The following CAMSAP1 variants were observed in gnomAD, a reference collection of about 807,000 sequenced individuals.
The protein encoded by CAMSAP1 is calmodulin regulated spectrin associated protein 1.
In CAMSAP1, 58 loss-of-function variants were observed where a neutral mutation model predicts 143.5. The ratio of observed to expected loss-of-function variants is 0.40; its 90% CI spans 0.33 to 0.50. The LOEUF (loss-of-function observed/expected upper bound fraction) is 0.50. Ranked by LOEUF, CAMSAP1 falls within the 20% of genes least tolerant of loss-of-function variation. The pLI, the probability that CAMSAP1 is intolerant of heterozygous loss-of-function variation, is 0.45. For synonymous variants in CAMSAP1, 945 were observed against 859.3 expected, an observed-to-expected ratio of 1.10 and a Z score of -1.74; for missense variants, 1,969 against 2,115.7, an observed-to-expected ratio of 0.93 and a Z score of 1.36.
chr9:135,861,740 T>G (rs1477414250), intron 5 of CAMSAP1, among the ~76,000 whole-genome samples: 1 of 152,192 alleles, frequency 6.6e-6, no homozygotes, highest in Non-Finnish European at 1.5e-5. Flanking sequence ...ACACAAATGT[T>G]TCCATATTAG....
chr9:135,821,689 A>C lies in CAMSAP1; in HGVS notation c.2972T>G (p.Val991Gly). The C allele has an allele frequency of 2.5e-6, 4 of 1,614,024 alleles. No homozygotes were observed. The Middle Eastern group carries it at 4.9e-4, about 200-fold the overall frequency. ...FAQQHKAKDP[V>G]ALHELERNKV... ...ATTTCTCTCCAGCTCGTGCAGAGCC[A>C]CAGGGTCTTTTGCTTTATGTTGCTG... Residue 991 changes from valine (V) to glycine (G), a missense_variant, in exon 11 of 17, where the codon GTG becomes GGG. By Grantham distance (109) the Val-to-Gly change is moderately radical. This residue lies in a region of CAMSAP1 where 1,390 missense variants were observed against 1,420.8 expected (regional missense o/e 0.98). Coordinates refer to ENST00000389532, the MANE Select transcript of CAMSAP1 (RefSeq NM_015447.4). This position sits in a 1 kb window ranked among gnomAD's most constrained non-coding sequence, Gnocchi z 4.6.
chr9:135,824,725 A>C lies in CAMSAP1; in HGVS notation c.1315+64T>G. On this transcript the variant is annotated intron_variant, in intron 9 of 16. Transcript: ENST00000389532. This position sits in a 1 kb window ranked among gnomAD's most constrained non-coding sequence, Gnocchi z 4.1. ...AGATAAAATGATTTAATTTTGAGAA[A>C]TATGATTTTACTAATCTATAGTAAG... The C allele has an allele frequency of 8.7e-7, 1 of 1,149,954 alleles. No individual in the cohort carries two copies. Among genetic ancestry groups the C allele is most frequent in the South Asian group, 1.5e-5 (1 of 65,308 alleles). The allele number at this position is 1,149,954 out of a possible 1,614,324, so 71.2% of individuals were successfully genotyped here. A position where few individuals can be genotyped will look rare whatever the true frequency, so the allele number is the denominator to read the frequency against.
chr9:135,819,253 G>T, intron 11 of CAMSAP1, 107 bp from the exon 12 acceptor site: 1 of 1,356,174 alleles, frequency 7.4e-7, no homozygotes. Context: ...AAAGTTTAAC[G>T]CATAAAGACT....
rs141799161 is a variant in CAMSAP1, at chr9:135,811,384, G to A, written c.4734C>T (p.Asp1578=). ...ACAGGTGGTTGTGGATTGTGAGTGC[G>A]TCCACACTGACAGACATGGTTTTGG... ...IPAKTMSVSV[D]ALTIHNHLWQ... is the part of the protein sequence containing the mutation. Residue 1578 remains aspartate, a synonymous_variant, in exon 17 of 17, where the codon GAC becomes GAT. Transcript: ENST00000389532. This position sits in a 1 kb window ranked among gnomAD's most constrained non-coding sequence, Gnocchi z 4.9. 6.5e-4 allele frequency: 1,048 copies of A among 1,612,702 alleles called. 1 individual carries two copies. Among genetic ancestry groups the A allele is most frequent in the African/African-American group, 1.2e-3 (88 of 75,006 alleles).
chr9:135,842,628 C>T (rs1822332973), intron 7 of CAMSAP1, among the ~76,000 whole-genome samples: 1 of 152,234 alleles, frequency 6.6e-6, no homozygotes, highest in Admixed American at 6.5e-5. Flanking sequence ...GCCCATCAAA[C>T]TAACAGCAGA....
Position 135,811,560 on chromosome 9 carries a change from C to T in CAMSAP1, c.4558G>A (p.Gly1520Ser), listed in dbSNP as rs768775467. ...NHYIILFRDAGCQFRALYCYY... is the reference protein window; with the variant it reads ...NHYIILFRDASCQFRALYCYY... ...CAGTAAAGCGCCCTGAACTGGCAGC[C>T]AGCATCACGAAACAGTATGATGTAG... Residue 1520 changes from glycine (G) to serine (S), a missense_variant, in exon 17 of 17, where the codon GGC becomes AGC. Coordinates refer to ENST00000389532, the MANE Select transcript of CAMSAP1 (RefSeq NM_015447.4). This position sits in a 1 kb window ranked among gnomAD's most constrained non-coding sequence, Gnocchi z 4.9. 5 of 1,602,200 alleles carry T rather than the reference C, an allele frequency of 3.1e-6. No homozygotes were observed. The highest frequency in any genetic ancestry group is 4.3e-6 in the Non-Finnish European group (5 of 1,174,150).
intron 7 of CAMSAP1, among the ~76,000 whole-genome samples, chr9:135,844,560 C>T (rs145089631): frequency 1.0e-3 from 157 of 151,278 alleles, no homozygotes; most frequent in Non-Finnish European, 2.0e-3. Context: ...GCAAGAGCAA[C>T]GAAATTCAAA....
rs374207546 is a variant in CAMSAP1, at chr9:135,850,138, G to A, written c.1044C>T (p.Asp348=). The part of the protein sequence containing the change: ...VQPRDVQELK[D]AKTVLHQKSS... ...ACCTGGGGAATATCTGTCACTCACC[G>A]TCTTTCAGCTCCTGAACATCCCTGG... is the stretch of plus-strand genomic sequence containing the variant. Residue 348 remains aspartate (D), a splice_region_variant and synonymous_variant, in exon 7 of 17, where the codon GAC becomes GAT. Transcript: ENST00000389532. The A allele has an allele frequency of 7.0e-5, 112 of 1,605,446 alleles. No individual in the cohort carries two copies. Among genetic ancestry groups the A allele is most frequent in the Admixed American group, 8.5e-5 (5 of 58,764 alleles).
At position 135,837,193 on chromosome 9, in the gene CAMSAP1, C is replaced by T. The variant is rs563378437; in HGVS notation, c.1046-9609G>A. On this transcript the variant is annotated intron_variant, in intron 7 of 16. Coordinates refer to ENST00000389532, the MANE Select transcript of CAMSAP1 (RefSeq NM_015447.4). ...GATACACATCATCACGCACTTTCTA[C>T]CCATTCCAGAGACACACGTCACCAC... Among the ~76,000 whole-genome samples, 368 of 151,778 alleles carry T rather than the reference C, an allele frequency of 2.4e-3. 2 individuals carry two copies. Among genetic ancestry groups the T allele is most frequent in the Middle Eastern group, 0.021 (6 of 286 alleles).
At chr9:135,827,789 A>G (rs1204950123) in intron 7 of CAMSAP1, among the ~76,000 whole-genome samples, 1 of 152,264 alleles carries the variant, frequency 6.6e-6, no homozygotes, top group Non-Finnish European at 1.5e-5. Context: ...ACATTAAAAG[A>G]CACAACACAG....
At chr9:135,886,511 A>G (rs1838127941) in intron 1 of CAMSAP1, among the ~76,000 whole-genome samples, 1 of 152,220 alleles carries the variant, frequency 6.6e-6, no homozygotes, top group South Asian at 2.1e-4. Context: ...AGCAGTTCAG[A>G]ATTGCGCGGA....
chr9:135,887,437 C>A (rs2130997341), intron 1 of CAMSAP1, among the ~76,000 whole-genome samples: 2 of 152,296 alleles, frequency 1.3e-5, no homozygotes, highest in East Asian at 3.9e-4. Context: ...GGGAACTGTG[C>A]CTCTGCTCTG....
At chr9:135,884,698 A>C (rs1324528181) in intron 1 of CAMSAP1, among the ~76,000 whole-genome samples, 1 of 152,218 alleles carries the variant, frequency 6.6e-6, no homozygotes, top group Non-Finnish European at 1.5e-5. Flanking sequence ...AACAGAGCAC[A>C]GCAGTAACAC....
At chr9:135,897,537 T>C (rs189498610) in intron 1 of CAMSAP1, among the ~76,000 whole-genome samples, 8 of 152,050 alleles carry the variant, frequency 5.3e-5, no homozygotes, top group African/African-American at 1.7e-4. Context: ...ATGAAGTGAG[T>C]TGAATGACAT....
Position 135,818,905 on chromosome 9 carries a change from C to T in CAMSAP1, c.3959+105G>A. On this transcript the variant is annotated intron_variant, in intron 12 of 16. Coordinates refer to ENST00000389532, the MANE Select transcript of CAMSAP1 (RefSeq NM_015447.4). The surrounding 1 kb of genome is among the most constrained non-coding windows in gnomAD (Gnocchi z 7.7). ...ATGGGAGGAGTAAGACCGTCACAGG[C>T]ACTCATTGCCATGGTCCATGCTCAG... 1 of 1,488,544 alleles carries T rather than the reference C, an allele frequency of 6.7e-7. No homozygotes were observed. The allele number at this position is 1,488,544 out of a possible 1,614,324, so 92.2% of individuals were successfully genotyped here.
chr9:135,828,045 G>A (rs1272844293), intron 7 of CAMSAP1, among the ~76,000 whole-genome samples: 1 of 152,274 alleles, frequency 6.6e-6, no homozygotes, highest in Admixed American at 6.5e-5. Flanking sequence ...TCAGAAGGGC[G>A]CTTCTCTAGA....
chr9:135,811,380 G>GT lies in CAMSAP1; in HGVS notation c.4737dup (p.Leu1580ThrfsTer23). 1 of 1,613,004 alleles carries GT rather than the reference G, an allele frequency of 6.2e-7. No homozygotes were observed. The highest frequency in any genetic ancestry group is 8.5e-7 in the Non-Finnish European group (1 of 1,179,500). On this transcript the variant is annotated frameshift_variant, in exon 17 of 17. Coordinates refer to ENST00000389532, the MANE Select transcript of CAMSAP1 (RefSeq NM_015447.4). LOFTEE classifies it high-confidence loss of function. This position sits in a 1 kb window ranked among gnomAD's most constrained non-coding sequence, Gnocchi z 4.9. ...TGCCACAGGTGGTTGTGGATTGTGA[G>GT]TGCGTCCACACTGACAGACATGGTT...
intron 1 of CAMSAP1, among the ~76,000 whole-genome samples, chr9:135,885,102 C>G (rs1189834902): frequency 6.6e-6 from 1 of 152,182 alleles, no homozygotes; most frequent in Admixed American, 6.5e-5. Context: ...TTTCGGGGTA[C>G]CTGGCCTCTT....
chr9:135,904,784 G>A (rs1203871563), intron 1 of CAMSAP1, among the ~76,000 whole-genome samples: 1 of 152,092 alleles, frequency 6.6e-6, no homozygotes, highest in Non-Finnish European at 1.5e-5. Context: ...CTGGCAATAT[G>A]GAGTAACCCG....
Sources: allele counts gnomAD v4.1 joint callset (sites outside exome capture counted in the v4.1 genomes callset), GRCh38; gene constraint gnomAD v4.1.1; regional missense constraint gnomAD v4.1.1; non-coding constraint Gnocchi (gnomAD v3.1); transcripts MANE v1.5; gene names NCBI Gene and HGNC (gene_info 2026-07-23, HGNC 2026-07-21).